The following SLC44A5 variants were observed in gnomAD, a reference collection of about 807,000 sequenced individuals.
SLC44A5 encodes the protein solute carrier family 44 member 5.
Under a neutral mutation model 101.8 loss-of-function variants are expected in SLC44A5, and 57 were observed. That is an observed-to-expected ratio of 0.56 (90% CI 0.45 to 0.70). The LOEUF (loss-of-function observed/expected upper bound fraction) is 0.70. Ranked by LOEUF, SLC44A5 falls within the 30% of genes least tolerant of loss-of-function variation. The pLI is 0.00. For synonymous variants in SLC44A5, 281 were observed against 290.9 expected, an observed-to-expected ratio of 0.97 and a Z score of 0.35; for missense variants, 737 against 853.1, an observed-to-expected ratio of 0.86 and a Z score of 1.70.
chr1:75,550,635 G>A (rs866173790), intron 1 of SLC44A5, among the ~76,000 whole-genome samples: 16 of 152,164 alleles, frequency 1.1e-4, no homozygotes, highest in South Asian at 4.2e-4. Context: ...AGCTGCTGAG[G>A]GAGTAATCTC....
chr1:75,701,548 T>C, the SLC44A5 span, among the ~76,000 whole-genome samples: 1 of 152,134 alleles, frequency 6.6e-6, no homozygotes, highest in East Asian at 1.9e-4. Context: ...ACAGCCAATA[T>C]CATACTGAAT....
intron 18 of SLC44A5, among the ~76,000 whole-genome samples, chr1:75,217,578 T>G (rs1416224504): frequency 6.6e-6 from 1 of 152,094 alleles, no homozygotes; most frequent in Non-Finnish European, 1.5e-5. Context: ...AACAATAACA[T>G]CTCAAAACAG....
intron 6 of SLC44A5, among the ~76,000 whole-genome samples, chr1:75,265,814 A>G (rs1650935531): frequency 6.6e-6 from 1 of 152,310 alleles, no homozygotes. Context: ...TAATGGTGCT[A>G]CATCAGACAA....
the SLC44A5 span, among the ~76,000 whole-genome samples, chr1:75,655,817 A>G: frequency 6.6e-6 from 1 of 151,566 alleles, no homozygotes; most frequent in Non-Finnish European, 1.5e-5. Flanking sequence ...AAAGAGAGGT[A>G]GAAAAAAATA....
intron 1 of SLC44A5, among the ~76,000 whole-genome samples, chr1:75,566,768 G>T (rs1251761162): frequency 6.6e-6 from 1 of 152,140 alleles, no homozygotes; most frequent in African/African-American, 2.4e-5. Context: ...GTCTTTACAT[G>T]CTCTAAAAGT....
intron 2 of SLC44A5, among the ~76,000 whole-genome samples, chr1:75,407,812 A>G (rs540350773): frequency 6.6e-6 from 1 of 152,374 alleles, no homozygotes; most frequent in African/African-American, 2.4e-5. Context: ...CAAAGGCTTC[A>G]TGACTAAAAC....
intron 1 of SLC44A5, among the ~76,000 whole-genome samples, chr1:75,606,217 G>T (rs1675318852): frequency 6.6e-6 from 1 of 151,580 alleles, no homozygotes; most frequent in Admixed American, 6.6e-5. Flanking sequence ...TCCTACTATG[G>T]CATATTTTAT....
At chr1:75,444,804 A>T (rs1364795783) in intron 2 of SLC44A5, among the ~76,000 whole-genome samples, 1 of 152,150 alleles carries the variant, frequency 6.6e-6, no homozygotes, top group Non-Finnish European at 1.5e-5. Context: ...GGCAGATTAG[A>T]CACAGATGAT....
chr1:75,306,150 A>G (rs1022160560), intron 4 of SLC44A5, among the ~76,000 whole-genome samples: 2 of 152,234 alleles, frequency 1.3e-5, no homozygotes, highest in Admixed American at 6.5e-5. Flanking sequence ...ATATATGTAT[A>G]TCGTCTAAGG....
intron 3 of SLC44A5, among the ~76,000 whole-genome samples, chr1:75,375,680 C>A (rs898529486): frequency 2.0e-5 from 3 of 152,174 alleles, no homozygotes; most frequent in African/African-American, 7.2e-5. Context: ...CCAGAATAGA[C>A]CTGGAGGCCT....
intron 2 of SLC44A5, among the ~76,000 whole-genome samples, chr1:75,421,015 T>C (rs1383606198): frequency 6.6e-6 from 1 of 152,048 alleles, no homozygotes; most frequent in Non-Finnish European, 1.5e-5. Context: ...AAATAATCTC[T>C]TTGGAATATA....
chr1:75,219,495 T>C, intron 15 of SLC44A5, 151 bp from the exon 16 acceptor site: 2 of 668,874 alleles, frequency 3.0e-6, no homozygotes, highest in Non-Finnish European at 5.3e-6. Context: ...CAGGCCTAGA[T>C]TAATGTAATG....
intron 5 of SLC44A5, among the ~76,000 whole-genome samples, chr1:75,279,643 T>A (rs972546866): frequency 2.6e-5 from 4 of 152,196 alleles, no homozygotes; most frequent in African/African-American, 9.7e-5. Context: ...CTTCAGAATT[T>A]ATCTTATAGC....
intron 2 of SLC44A5, among the ~76,000 whole-genome samples, chr1:75,497,170 G>A (rs1668720258): frequency 1.3e-5 from 2 of 152,084 alleles, no homozygotes; most frequent in South Asian, 2.1e-4. Flanking sequence ...ATATGTCAAC[G>A]ACATATCTGT....
chr1:75,627,699 A>G, the SLC44A5 span, among the ~76,000 whole-genome samples: 1 of 151,810 alleles, frequency 6.6e-6, no homozygotes, highest in African/African-American at 2.4e-5. Flanking sequence ...AATAAAAATT[A>G]AAGAAGAAGG....
the SLC44A5 span, among the ~76,000 whole-genome samples, chr1:75,629,857 T>C: frequency 6.6e-6 from 1 of 152,174 alleles, no homozygotes; most frequent in Middle Eastern, 3.4e-3. Context: ...TAAAACAGTA[T>C]TGAAGATGAA....
At chr1:75,567,905 C>A (rs1672872769) in intron 1 of SLC44A5, among the ~76,000 whole-genome samples, 1 of 152,178 alleles carries the variant, frequency 6.6e-6, no homozygotes, top group Non-Finnish European at 1.5e-5. Context: ...ATTGGAAGAG[C>A]AATTTCTCTG....
rs140057963 is a variant in SLC44A5 at position 75,583,469 on chromosome 1, C to T, written c.-70+27571G>A. On this transcript the variant is annotated intron_variant, in intron 1 of 23. Coordinates refer to ENST00000370859, the MANE Select transcript of SLC44A5 (RefSeq NM_001130058.2). Reference sequence around the variant, plus strand: ...CTCAGCTTTGCCCCAGTAGACAGCCCTCTTAGGGTCCTCTTGACTCACAGG... The same window carrying T: ...CTCAGCTTTGCCCCAGTAGACAGCCTTCTTAGGGTCCTCTTGACTCACAGG... Among the ~76,000 whole-genome samples the T allele has an allele frequency of 5.7e-3, 868 of 152,264 alleles. 15 individuals are homozygous for T. The highest frequency in any genetic ancestry group is 0.035 in the Admixed American group (532 of 15,296).
the SLC44A5 span, among the ~76,000 whole-genome samples, chr1:75,717,324 G>C: frequency 6.7e-6 from 1 of 149,536 alleles, no homozygotes; most frequent in African/African-American, 2.5e-5. Flanking sequence ...CTGGGAGAGA[G>C]AGTGAGACCC....
Sources: gnomAD v4.1 joint callset for allele counts (sites outside exome capture counted in the v4.1 genomes callset) on GRCh38, gnomAD v4.1.1 for gene constraint, MANE v1.5 for transcripts, NCBI Gene and HGNC (gene_info 2026-07-23, HGNC 2026-07-21) for gene names.